The following SOX5 variants were observed in gnomAD, a reference collection of about 807,000 sequenced individuals.
The protein encoded by SOX5 is transcription factor SOX-5.
A neutral mutation model predicts 92.0 loss-of-function variants in SOX5; 9 were observed. The observed-to-expected ratio is 0.10, with a 90% CI of 0.06 to 0.17. The LOEUF (loss-of-function observed/expected upper bound fraction) is 0.17, where lower values mean the gene tolerates loss of function less well. Ranked by LOEUF, SOX5 falls within the 10% of genes least tolerant of loss-of-function variation. The pLI is 1.00. For synonymous variants in SOX5, 344 were observed against 336.3 expected (o/e 1.02, Z -0.25); for missense variants, 642 against 944.5 (o/e 0.68, Z 4.20).
chr12:24,275,108 T>G (rs978556444), intron 3 of SOX5, among the ~76,000 whole-genome samples: 2 of 152,170 alleles, frequency 1.3e-5, no homozygotes, highest in African/African-American at 4.8e-5. Flanking sequence ...GAGATATATA[T>G]AGTGTCTTAA....
rs188561698 is a variant in SOX5 at position 24,538,871 on chromosome 12, C to T, written c.-251+23458G>A. 3.1e-3 allele frequency among the ~76,000 whole-genome samples: 468 copies of T among 152,130 alleles called. 1 individual carries two copies. The highest frequency in any genetic ancestry group is 5.8e-3 in the Non-Finnish European group (392 of 67,988). On this transcript the variant is annotated intron_variant, in intron 1 of 4. Transcript: ENST00000446891. ...TATCTTTATCAATGGGGAAAAAACA[C>T]GCTGGGATTTTGTTTTCTAATCTAT...
intron 6 of SOX5, among the ~76,000 whole-genome samples, chr12:23,722,021 AG>A (rs2092845654): frequency 6.6e-6 from 1 of 152,208 alleles, no homozygotes; most frequent in South Asian, 2.1e-4. Flanking sequence ...CTACCTTGTT[AG>A]GGGTCCAAAA....
At chr12:23,842,582 T>G (rs571622508) in intron 3 of SOX5, among the ~76,000 whole-genome samples, 1 of 152,164 alleles carries the variant, frequency 6.6e-6, no homozygotes, top group Admixed American at 6.5e-5. Flanking sequence ...CTTGGAGATA[T>G]GGATGATTCT....
intron 1 of SOX5, among the ~76,000 whole-genome samples, chr12:24,416,166 G>A (rs560703962): frequency 7.2e-5 from 11 of 152,342 alleles, no homozygotes; most frequent in South Asian, 2.1e-4. Context: ...GCAGGCCAGG[G>A]ATTTTTGAAA....
At chr12:24,046,652 G>GA (rs1187269886) in intron 4 of SOX5, among the ~76,000 whole-genome samples, 1 of 145,064 alleles carries the variant, frequency 6.9e-6, no homozygotes, top group African/African-American at 2.5e-5. Context: ...TGTAGCTATA[G>GA]AAAAGGTTTT....
chr12:24,369,142 C>T (rs577580798), intron 1 of SOX5, among the ~76,000 whole-genome samples: 70 of 152,312 alleles, frequency 4.6e-4, no homozygotes, highest in African/African-American at 1.7e-3. Context: ...CTTCCCCCTT[C>T]CCTCCTCATT....
At chr12:24,209,629 G>C (rs1398386110) in intron 4 of SOX5, among the ~76,000 whole-genome samples, 1 of 152,136 alleles carries the variant, frequency 6.6e-6, no homozygotes, top group Non-Finnish European at 1.5e-5. Context: ...GAAAACTGCT[G>C]CCACAAGATT....
intron 7 of SOX5, among the ~76,000 whole-genome samples, chr12:23,643,406 G>C (rs889493173): frequency 6.6e-6 from 1 of 152,174 alleles, no homozygotes; most frequent in Non-Finnish European, 1.5e-5. Context: ...ATTATGATTA[G>C]ATATCCAGGT....
chr12:24,379,094 A>G (rs1043371011), intron 1 of SOX5, among the ~76,000 whole-genome samples: 2 of 152,218 alleles, frequency 1.3e-5, no homozygotes, highest in African/African-American at 4.8e-5. Flanking sequence ...CTCCTTTCCA[A>G]CATACACTGC....
rs913956806 is a variant in SOX5, at chr12:23,845,848, G to C, written c.481+135C>G. On this transcript the variant is annotated intron_variant, in intron 3 of 14. Transcript: ENST00000451604. ...TGTTTCTGAAAAAAATATACCAACC[G>C]TCTTCATAGCAATAGGTTTCCATCT... The C allele has an allele frequency of 8.7e-6, 6 of 686,018 alleles. No homozygotes were observed. In the Admixed American group the frequency reaches 1.0e-4, roughly 12 times the overall value. 42.5% of individuals were successfully genotyped at this position (686,018 alleles called of 1,614,324 possible).
At chr12:23,691,106 C>A (rs1375755783) in intron 6 of SOX5, among the ~76,000 whole-genome samples, 1 of 152,082 alleles carries the variant, frequency 6.6e-6, no homozygotes, top group Non-Finnish European at 1.5e-5. Flanking sequence ...TCTAGAAAGA[C>A]CAAAATTGGA....
intron 2 of SOX5, among the ~76,000 whole-genome samples, chr12:24,343,955 G>C (rs1164034137): frequency 6.6e-6 from 1 of 152,062 alleles, no homozygotes; most frequent in East Asian, 1.9e-4. Flanking sequence ...AGAATGTAGG[G>C]ACTTGAGAAT....
At chr12:23,632,768 T>G (rs144514228) in intron 8 of SOX5, among the ~76,000 whole-genome samples, 3 of 152,270 alleles carry the variant, frequency 2.0e-5, no homozygotes, top group African/African-American at 7.2e-5. Context: ...TGATTTCAGT[T>G]GATATTTTGT....
rs931804984 is a variant in SOX5 at position 23,998,629 on chromosome 12, C to T, written c.-1-102605G>A. On this transcript the variant is annotated intron_variant, in intron 4 of 4. Coordinates refer to the SOX5 transcript ENST00000446891. The stretch of plus-strand genomic sequence containing the variant: ...ACCAGCCTGGTCAATATGATGAAAC[C>T]CCATCTCTACTAAAATACAAAAATT... Among the ~76,000 whole-genome samples, 5 of 151,362 alleles carry T rather than the reference C, an allele frequency of 3.3e-5. No homozygotes were observed. The South Asian group carries it at 1.0e-3, about 32-fold the overall frequency.
intron 11 of SOX5, among the ~76,000 whole-genome samples, chr12:23,548,424 A>G (rs534983649): frequency 3.9e-5 from 6 of 152,210 alleles, no homozygotes; most frequent in African/African-American, 1.4e-4. Flanking sequence ...GCTACCCAAA[A>G]GTAAAACTTA....
intron 1 of SOX5, among the ~76,000 whole-genome samples, chr12:24,460,019 C>T (rs915459039): frequency 6.6e-6 from 1 of 152,006 alleles, no homozygotes; most frequent in East Asian, 1.9e-4. Context: ...ACGAAGTGAG[C>T]AAGAAAAAAT....
At chr12:24,489,132 C>G (rs1946803517) in intron 1 of SOX5, among the ~76,000 whole-genome samples, 1 of 152,176 alleles carries the variant, frequency 6.6e-6, no homozygotes, top group Admixed American at 6.5e-5. Context: ...TGCCAACACA[C>G]ACGTCCAAAT....
chr12:24,147,469 C>T (rs1475518720), intron 4 of SOX5, among the ~76,000 whole-genome samples: 2 of 152,138 alleles, frequency 1.3e-5, no homozygotes, highest in Admixed American at 6.5e-5. Flanking sequence ...ACAGGTAGCA[C>T]ACTACTTAAA....
At chr12:23,750,683 G>A (rs1049881147) in intron 4 of SOX5, among the ~76,000 whole-genome samples, 1 of 151,758 alleles carries the variant, frequency 6.6e-6, no homozygotes, top group Admixed American at 6.6e-5. Flanking sequence ...ACATGTTGAG[G>A]AGAGTATTTT....
Sources: allele counts gnomAD v4.1 joint callset (sites outside exome capture counted in the v4.1 genomes callset), GRCh38; gene constraint gnomAD v4.1.1; transcripts MANE v1.5; gene names NCBI Gene and HGNC (gene_info 2026-07-23, HGNC 2026-07-21).